The following RASGRF2 variants were observed in gnomAD, a reference collection of about 807,000 sequenced individuals.
The protein encoded by RASGRF2 is ras-specific guanine nucleotide-releasing factor 2.
RASGRF2 carries 76 observed loss-of-function variants against 151.0 expected under a neutral mutation model. The observed-to-expected ratio is 0.50, with a 90% CI of 0.42 to 0.61. The LOEUF (loss-of-function observed/expected upper bound fraction) is 0.61, where lower values mean the gene tolerates loss of function less well. RASGRF2 is among the 20% of genes least tolerant of loss of function. RASGRF2 has a pLI of 0.00. For synonymous variants in RASGRF2, 504 were observed against 566.5 expected, an observed-to-expected ratio of 0.89 and a Z score of 1.57; for missense variants, 1,148 against 1,564.6, an observed-to-expected ratio of 0.73 and a Z score of 4.49.
chr5:80,962,117 A>C lies in RASGRF2; in HGVS notation c.288+1091A>C, dbSNP rs540401677. Among the ~76,000 whole-genome samples the C allele has an allele frequency of 3.3e-5, 5 of 152,326 alleles. No individual in the cohort carries two copies. In the East Asian group the frequency reaches 9.6e-4, roughly 29 times the overall value. On this transcript the variant is annotated intron_variant, in intron 1 of 26. Coordinates refer to ENST00000265080, the MANE Select transcript of RASGRF2 (RefSeq NM_006909.3). ...CCTACCTAACCCTTTGGGGCTCATA[A>C]AACAATGTGTAAAATTAAGAGGAGT...
chr5:81,184,153 A>C (rs1434587896), intron 18 of RASGRF2, among the ~76,000 whole-genome samples: 1 of 152,218 alleles, frequency 6.6e-6, no homozygotes, highest in Non-Finnish European at 1.5e-5. Context: ...GCCCAGACAG[A>C]GACTATGATC....
At chr5:81,196,608 G>A (rs575704981) in intron 18 of RASGRF2, among the ~76,000 whole-genome samples, 32 of 151,570 alleles carry the variant, frequency 2.1e-4, no homozygotes, top group Non-Finnish European at 3.5e-4. Flanking sequence ...CCCCAGAAGC[G>A]TCCCCCACCC....
At chr5:81,097,081 C>T (rs754620215) in intron 12 of RASGRF2, among the ~76,000 whole-genome samples, 3 of 152,098 alleles carry the variant, frequency 2.0e-5, no homozygotes, top group Non-Finnish European at 4.4e-5. Flanking sequence ...CCTGCCTCAG[C>T]TTCCCGAGTA....
At chr5:81,144,582 A>G (rs1001496495) in intron 17 of RASGRF2, among the ~76,000 whole-genome samples, 1 of 152,170 alleles carries the variant, frequency 6.6e-6, no homozygotes, top group African/African-American at 2.4e-5. Flanking sequence ...ACATCTTGCA[A>G]ACCATTCTCC....
intron 18 of RASGRF2, among the ~76,000 whole-genome samples, chr5:81,195,204 A>C (rs1426620885): frequency 1.3e-5 from 2 of 152,228 alleles, no homozygotes; most frequent in Non-Finnish European, 2.9e-5. Context: ...GGCCCGCGCC[A>C]GAGCCAATGC....
chr5:81,217,576 T>TA, intron 25 of RASGRF2, 103 bp downstream of exon 25: 1 of 401,502 alleles, frequency 2.5e-6, no homozygotes, highest in Non-Finnish European at 3.6e-6. Flanking sequence ...TTTCTCTTCT[T>TA]TTTTTTTTTT....
At chr5:81,165,761 T>C (rs898194994) in intron 17 of RASGRF2, among the ~76,000 whole-genome samples, 2 of 152,068 alleles carry the variant, frequency 1.3e-5, no homozygotes, top group Admixed American at 6.5e-5. Flanking sequence ...TCCAGAGGTG[T>C]TTCTGTGATG....
At chr5:81,194,126 T>G (rs1755208517) in intron 18 of RASGRF2, among the ~76,000 whole-genome samples, 1 of 151,442 alleles carries the variant, frequency 6.6e-6, no homozygotes, top group African/African-American at 2.4e-5. Flanking sequence ...GGTGGATTGC[T>G]TGAACCCAGG....
chr5:80,991,065 A>AATTTTAT (rs1561541626), intron 1 of RASGRF2, among the ~76,000 whole-genome samples: 1 of 152,162 alleles, frequency 6.6e-6, no homozygotes, highest in East Asian at 1.9e-4. Context: ...AAGTTCACTG[A>AATTTTAT]CAGAATATCT....
intron 2 of RASGRF2, among the ~76,000 whole-genome samples, chr5:81,051,012 A>G (rs1169036412): frequency 6.6e-6 from 1 of 152,122 alleles, no homozygotes; most frequent in East Asian, 1.9e-4. Context: ...TATAATAAGC[A>G]TTTTCTTGAT....
intron 12 of RASGRF2, among the ~76,000 whole-genome samples, chr5:81,106,189 C>T (rs1036412980): frequency 1.6e-4 from 25 of 152,130 alleles, no homozygotes; most frequent in African/African-American, 6.0e-4. Context: ...TGCCTTATAA[C>T]CATGGCCATC....
At chr5:81,008,508 A>C (rs1344193200) in intron 1 of RASGRF2, among the ~76,000 whole-genome samples, 2 of 152,102 alleles carry the variant, frequency 1.3e-5, no homozygotes, top group African/African-American at 4.8e-5. Flanking sequence ...ACTGTTACTT[A>C]ATCTTATAAT....
At chr5:80,994,846 A>G (rs1200940914) in intron 1 of RASGRF2, among the ~76,000 whole-genome samples, 2 of 152,218 alleles carry the variant, frequency 1.3e-5, no homozygotes, top group East Asian at 3.8e-4. Flanking sequence ...TGGGGTATAG[A>G]TTATAGACAA....
intron 12 of RASGRF2, among the ~76,000 whole-genome samples, chr5:81,104,709 T>G (rs1374888712): frequency 6.6e-6 from 1 of 152,166 alleles, no homozygotes; most frequent in Admixed American, 6.5e-5. Flanking sequence ...TGATCAAAAA[T>G]GTCTCAGTGT....
chr5:81,040,247 G>A (rs1292794820), intron 1 of RASGRF2, among the ~76,000 whole-genome samples: 7 of 152,018 alleles, frequency 4.6e-5, no homozygotes, highest in Admixed American at 3.9e-4. Context: ...GGGCTCAAGC[G>A]ATCCTCCTGT....
chr5:81,052,000 T>C (rs937356628), intron 2 of RASGRF2, among the ~76,000 whole-genome samples: 2 of 152,230 alleles, frequency 1.3e-5, no homozygotes, highest in Non-Finnish European at 2.9e-5. Flanking sequence ...GTTGCTTTTT[T>C]GCTTAGAGTC....
At position 81,183,952 on chromosome 5, in the gene RASGRF2, C is replaced by T. The variant is rs371685829; in HGVS notation, c.2793+3671C>T. Among the ~76,000 whole-genome samples the T allele has an allele frequency of 4.7e-4, 71 of 152,376 alleles. 2 individuals are homozygous for T. The South Asian group carries it at 0.014, about 29-fold the overall frequency. On this transcript the variant is annotated intron_variant, in intron 18 of 26. Coordinates refer to ENST00000265080, the MANE Select transcript of RASGRF2 (RefSeq NM_006909.3). Reference sequence around the variant, plus strand: ...TGGACAGGAGAGATGCACATTTCATCACCCTACAACCAGCCTGTAAGCTCC... The same window carrying T: ...TGGACAGGAGAGATGCACATTTCATTACCCTACAACCAGCCTGTAAGCTCC...
intron 17 of RASGRF2, among the ~76,000 whole-genome samples, chr5:81,162,072 C>T (rs1754397263): frequency 6.6e-6 from 1 of 151,976 alleles, no homozygotes; most frequent in Non-Finnish European, 1.5e-5. Context: ...GGGTTCAGCA[C>T]ACACAAAAGA....
intron 1 of RASGRF2, among the ~76,000 whole-genome samples, chr5:80,969,463 T>A (rs1747838392): frequency 6.8e-6 from 1 of 147,962 alleles, no homozygotes; most frequent in Non-Finnish European, 1.5e-5. Context: ...TCTTTTTTTT[T>A]TTTGAGACAG....
Sources: allele counts gnomAD v4.1 joint callset (sites outside exome capture counted in the v4.1 genomes callset), GRCh38; gene constraint gnomAD v4.1.1; transcripts MANE v1.5; gene names NCBI Gene and HGNC (gene_info 2026-07-23, HGNC 2026-07-21).